TBC1D5: variants seen among roughly 807,000 people sequenced by gnomAD.
TBC1D5 encodes TBC1 domain family, member 5.
In TBC1D5, 75 loss-of-function variants were observed where a neutral mutation model predicts 100.3. The ratio of observed to expected loss-of-function variants is 0.75; its 90% CI spans 0.62 to 0.91. The LOEUF (loss-of-function observed/expected upper bound fraction) is 0.91. TBC1D5 is among the 40% of genes least tolerant of loss of function. TBC1D5 has a pLI of 0.00. For missense variants in TBC1D5, 910 were observed against 942.4 expected (o/e 0.97, Z 0.45); for synonymous variants, 323 against 325.6 (o/e 0.99, Z 0.09).
At chr3:17,494,415 G>C (rs1167303751) in intron 3 of TBC1D5, among the ~76,000 whole-genome samples, 2 of 152,224 alleles carry the variant, frequency 1.3e-5, no homozygotes, top group African/African-American at 4.8e-5. Flanking sequence ...CCTGCTTAAA[G>C]CAACAGTCTG....
intron 1 of TBC1D5, among the ~76,000 whole-genome samples, chr3:17,666,827 GATATTAAAATCCACCAA>G (rs2067313494): frequency 1.3e-5 from 2 of 151,782 alleles, no homozygotes; most frequent in Non-Finnish European, 2.9e-5. Flanking sequence ...TATAAGGTAG[GATATTAAAATCCACCAA>G]GAAAAATTAT....
chr3:17,491,139 T>C (rs773840731), intron 3 of TBC1D5, among the ~76,000 whole-genome samples: 11 of 152,198 alleles, frequency 7.2e-5, no homozygotes, highest in Non-Finnish European at 1.2e-4. Flanking sequence ...AAAATGCTTG[T>C]AATTTTTGCA....
At chr3:17,383,591 A>G (rs575723368) in intron 9 of TBC1D5, among the ~76,000 whole-genome samples, 1 of 152,104 alleles carries the variant, frequency 6.6e-6, no homozygotes, top group African/African-American at 2.4e-5. Context: ...CTTAAAAATA[A>G]TATTTGTACA....
intron 18 of TBC1D5, among the ~76,000 whole-genome samples, chr3:17,203,642 G>C (rs146040025): frequency 6.6e-6 from 1 of 152,102 alleles, no homozygotes; most frequent in Non-Finnish European, 1.5e-5. Context: ...TGCTATTCTC[G>C]TTATAGTGAG....
intron 1 of TBC1D5, among the ~76,000 whole-genome samples, chr3:17,665,330 C>A (rs1454178399): frequency 1.3e-5 from 2 of 152,190 alleles, no homozygotes; most frequent in Non-Finnish European, 2.9e-5. Context: ...TACTTTGACT[C>A]AGTGTCTCGC....
chr3:17,394,846 A>G (rs2093455418), intron 8 of TBC1D5, among the ~76,000 whole-genome samples: 1 of 152,130 alleles, frequency 6.6e-6, no homozygotes, highest in Admixed American at 6.6e-5. Context: ...AAGCCTGAAC[A>G]AGGTTCTGCT....
At position 17,451,365 on chromosome 3, in the gene TBC1D5, G is replaced by T. The variant is rs563295899; in HGVS notation, c.98-22846C>A. ...GGATATGAACAGACACTTCACAAAA[G>T]AAAACATTTATGTGGCCAACAAACA... On this transcript the variant is annotated intron_variant, in intron 3 of 21. Coordinates refer to ENST00000253692, the Ensembl canonical transcript of TBC1D5. Among the ~76,000 whole-genome samples, 35 of 152,192 alleles carry T rather than the reference G, an allele frequency of 2.3e-4. 1 individual carries two copies. The South Asian group carries it at 7.1e-3, about 31-fold the overall frequency.
chr3:17,509,470 C>T (rs1282752633), intron 2 of TBC1D5, among the ~76,000 whole-genome samples: 1 of 151,952 alleles, frequency 6.6e-6, no homozygotes, highest in Non-Finnish European at 1.5e-5. Context: ...CAATTCATTT[C>T]TCCTTGATTC....
chr3:17,478,089 T>A (rs2095459492), intron 3 of TBC1D5, among the ~76,000 whole-genome samples: 1 of 152,114 alleles, frequency 6.6e-6, no homozygotes, highest in African/African-American at 2.4e-5. Context: ...ACATTTTTAA[T>A]CTGGAAAATC....
intron 2 of TBC1D5, among the ~76,000 whole-genome samples, chr3:17,603,673 G>A (rs547998045): frequency 3.3e-5 from 5 of 152,014 alleles, no homozygotes; most frequent in South Asian, 2.1e-4. Flanking sequence ...TTCTGCCGGC[G>A]GCGGGGTGGA....
chr3:17,542,875 G>C (rs1297856030), intron 2 of TBC1D5, among the ~76,000 whole-genome samples: 1 of 151,984 alleles, frequency 6.6e-6, no homozygotes, highest in African/African-American at 2.4e-5. Flanking sequence ...ATTTTGTTGA[G>C]GATTTTTATA....
At chr3:17,210,764 A>G (rs1288697948) in intron 18 of TBC1D5, among the ~76,000 whole-genome samples, 1 of 151,932 alleles carries the variant, frequency 6.6e-6, no homozygotes, top group Non-Finnish European at 1.5e-5. Flanking sequence ...TGTATTTTTC[A>G]TATTTGCTTT....
At chr3:17,342,492 G>T (rs1041579485) in intron 13 of TBC1D5, among the ~76,000 whole-genome samples, 31 of 152,134 alleles carry the variant, frequency 2.0e-4, no homozygotes, top group African/African-American at 7.5e-4. Flanking sequence ...AGTTAGTACA[G>T]TATGTAATAG....
chr3:17,703,926 TTA>T (rs1491372046), intron 1 of TBC1D5, among the ~76,000 whole-genome samples: 2 of 149,816 alleles, frequency 1.3e-5, no homozygotes, highest in Middle Eastern at 3.2e-3. Context: ...TTTTTTTTTT[TTA>T]ATTTATTTTT....
At chr3:17,601,468 G>C (rs1181165963) in intron 2 of TBC1D5, among the ~76,000 whole-genome samples, 4 of 152,178 alleles carry the variant, frequency 2.6e-5, no homozygotes, top group South Asian at 2.1e-4. Flanking sequence ...CCGAGATTGC[G>C]CCATTGCACT....
chr3:17,428,501 C>A, exon 4 of TBC1D5: 1 of 1,508,616 alleles, frequency 6.6e-7, no homozygotes. Flanking sequence ...TGTTCTTCTT[C>A]CATTTTTATT....
intron 13 of TBC1D5, among the ~76,000 whole-genome samples, chr3:17,360,568 T>A (rs539738982): frequency 6.6e-6 from 1 of 152,012 alleles, no homozygotes; most frequent in Non-Finnish European, 1.5e-5. Context: ...TTCTCAGGTA[T>A]CTAGCATATT....
At chr3:17,670,268 T>C (rs539680987) in intron 1 of TBC1D5, among the ~76,000 whole-genome samples, 2 of 152,318 alleles carry the variant, frequency 1.3e-5, no homozygotes, top group African/African-American at 4.8e-5. Flanking sequence ...ACAAACCTAA[T>C]GTTCTGGGCT....
intron 3 of TBC1D5, among the ~76,000 whole-genome samples, chr3:17,461,449 T>C (rs547782952): frequency 2.0e-5 from 3 of 152,314 alleles, no homozygotes; most frequent in Admixed American, 2.0e-4. Context: ...TTTAAGCTAC[T>C]TATATTACTT....
Sources: gnomAD v4.1 joint callset for allele counts (sites outside exome capture counted in the v4.1 genomes callset) on GRCh38, gnomAD v4.1.1 for gene constraint, MANE v1.5 for transcripts, NCBI Gene and HGNC (gene_info 2026-07-23, HGNC 2026-07-21) for gene names.